PODN: variants seen among roughly 807,000 people sequenced by gnomAD.
The protein encoded by PODN is podocan, also known as podocan proteoglycan.
A neutral mutation model predicts 52.7 loss-of-function variants in PODN; 40 were observed. That is an observed-to-expected ratio of 0.76 (90% CI 0.59 to 0.99). PODN has a LOEUF of 0.99. PODN is among the 50% of genes least tolerant of loss of function. PODN has a pLI of 0.00. For synonymous variants in PODN, 396 were observed against 377.9 expected (o/e 1.05, Z -0.56); for missense variants, 720 against 815.1 (o/e 0.88, Z 1.42).
Position 53,076,879 on chromosome 1 carries a change from C to G in PODN, c.582-311C>G, listed in dbSNP as rs369457062. On this transcript the variant is annotated intron_variant, in intron 5 of 10. Transcript: ENST00000312553. ...AGGCAGGGATGAAGGGGCCGCGAGT[C>G]AGGCAAGGACTCCAGGGCTGAAAGG... Among the ~76,000 whole-genome samples, 72 of 152,202 alleles carry G rather than the reference C, an allele frequency of 4.7e-4. No homozygotes were observed. The East Asian group carries it at 0.013, about 27-fold the overall frequency.
In PODN at chr1:53,075,970, A is replaced by G; in HGVS notation, c.580A>G (p.Arg194Gly). 13 of 1,577,842 alleles carry G rather than the reference A, an allele frequency of 8.2e-6. No homozygotes were observed. The highest frequency in any genetic ancestry group is 1.1e-5 in the Non-Finnish European group (13 of 1,159,104). ...GLTFGQKPNL[R>G]SVYLHNNKLA... ...CACCTTTGGCCAGAAGCCAAACTTG[A>G]GGTCAGAGGTCGGGGGTGGTCAGGG... Residue 194 changes from arginine to glycine, a missense_variant and splice_region_variant, in exon 5 of 11, where the codon AGG (arginine) becomes GGG (glycine). By Grantham distance (125) the Arg-to-Gly change is moderately radical. Transcript: ENST00000312553.
intron 5 of PODN, among the ~76,000 whole-genome samples, chr1:53,076,580 T>C (rs1021970139): frequency 6.6e-6 from 1 of 152,184 alleles, no homozygotes; most frequent in Non-Finnish European, 1.5e-5. Flanking sequence ...GCAGGGTCTG[T>C]CTCATTGGTC....
Position 53,078,943 on chromosome 1 carries a change from G to C in PODN, c.1433G>C (p.Arg478Pro). 1 of 1,586,208 alleles carries C rather than the reference G, an allele frequency of 6.3e-7. No individual in the cohort carries two copies. The highest frequency in any genetic ancestry group is 2.3e-5 in the East Asian group (1 of 43,094). Reference protein sequence around the residue: ...RGALVGMAQLRELYLTSNRLR... With the variant: ...RGALVGMAQLPELYLTSNRLR... ...GCGCTGGTGGGCATGGCTCAGCTGC[G>C]TGAGCTGTACCTCACCAGCAACCGA... The change falls in exon 8 of 11, where the codon CGT (arginine) becomes CCT (proline). Residue 478 changes from arginine to proline, a missense_variant. Transcript: ENST00000312553.
Position 53,077,739 on chromosome 1 carries a change from C to T in PODN, c.793C>T (p.Arg265Cys), listed in dbSNP as rs758164517. Residue 265 changes from arginine (R) to cysteine (C), a missense_variant, in exon 7 of 11, where the codon CGC becomes TGC. Coordinates refer to ENST00000312553, the MANE Select transcript of PODN (RefSeq NM_153703.5). ...PGAFSELSSLRELYLQNNYLT... is the reference protein window; with the variant it reads ...PGAFSELSSLCELYLQNNYLT... ...GGCCTTCAGCGAGCTGAGCAGCCTG[C>T]GCGAGCTATACCTGCAGAACAACTA... is the stretch of plus-strand genomic sequence containing the variant. 4.4e-5 allele frequency: 71 copies of T among 1,613,596 alleles called. No individual in the cohort carries two copies. Among genetic ancestry groups the T allele is most frequent in the East Asian group, 2.2e-5 (1 of 44,894 alleles).
chr1:53,082,449 G>C (rs1168772762), intron 10 of PODN, among the ~76,000 whole-genome samples: 1 of 152,190 alleles, frequency 6.6e-6, no homozygotes, highest in Non-Finnish European at 1.5e-5. Context: ...TGGACATGTG[G>C]GTCGGGGCTC....
chr1:53,071,500 T>C, intron 2 of PODN, 35 bp from the exon 3 acceptor site: 1 of 1,560,486 alleles, frequency 6.4e-7, no homozygotes, highest in East Asian at 2.3e-5. Context: ...CCCACTAGGC[T>C]GATGCTGCTT....
At chr1:53,076,628 G>A (rs968090052) in intron 5 of PODN, among the ~76,000 whole-genome samples, 1 of 151,850 alleles carries the variant, frequency 6.6e-6, no homozygotes, top group Non-Finnish European at 1.5e-5. Context: ...AACAGCTCTG[G>A]CATCTCATAT....
chr1:53,070,015 C>A lies in PODN; in HGVS notation c.160C>A (p.Leu54Met), dbSNP rs77859237. The A allele has an allele frequency of 7.3e-4, 1,176 of 1,612,858 alleles. 14 individuals are homozygous for A. In the African/African-American group the frequency reaches 0.014, roughly 19 times the overall value. Residue 54 changes from leucine (L) to methionine (M), a missense_variant, in exon 2 of 11, where the codon CTG (leucine) becomes ATG (methionine). Transcript: ENST00000312553. ...EFAEEEPVLV[L>M]SPEEPGPGPA... ...TGCGGAGGAGGAGCCGGTGCTGGTA[C>A]TGAGCCCTGAGGAGCCCGGGCCTGG...
In PODN at chr1:53,077,669, C is replaced by T. The variant is rs949093079; in HGVS notation, c.739-16C>T. Reference sequence around the variant, plus strand: ...GCCCTCCCTCACAATCTCCTCCCTTCCCTTCCATCCCCCAGAACAACAAGC... The same window carrying T: ...GCCCTCCCTCACAATCTCCTCCCTTTCCTTCCATCCCCCAGAACAACAAGC... On this transcript the variant is annotated splice_polypyrimidine_tract_variant and intron_variant, in intron 6 of 10. Coordinates refer to ENST00000312553, the MANE Select transcript of PODN (RefSeq NM_153703.5). The T allele has an allele frequency of 2.4e-5, 39 of 1,605,762 alleles. No individual in the cohort carries two copies. The highest frequency in any genetic ancestry group is 3.1e-5 in the Non-Finnish European group (36 of 1,174,874).
rs777992973 is a variant in PODN at position 53,069,888 on chromosome 1, G to A, written c.33G>A (p.Leu11=). 5 of 1,566,878 alleles carry A rather than the reference G, an allele frequency of 3.2e-6. No homozygotes were observed. In the South Asian group the frequency reaches 4.7e-5, roughly 15 times the overall value. The change falls in exon 2 of 11, where the codon CTG becomes CTA. Residue 11 remains leucine (L), a synonymous_variant. Transcript: ENST00000312553. MAQSRVLLLL[L]LLPPQLHLGP... is the part of the protein sequence containing the mutation. ...AGAGCCGGGTGCTGCTGCTCCTGCT[G>A]CTGCTGCCGCCACAGCTGCACCTGG...
At position 53,077,052 on chromosome 1, in the gene PODN, C is replaced by T. The variant is rs550121814; in HGVS notation, c.582-138C>T. On this transcript the variant is annotated intron_variant, in intron 5 of 10. Transcript: ENST00000312553. ...GTTCTGTCAGCTGTGTAGGCAACATCTGAGGTGCTTCTAACTCTGTACCCT... is the reference window on the plus strand; with the variant it reads ...GTTCTGTCAGCTGTGTAGGCAACATTTGAGGTGCTTCTAACTCTGTACCCT... 5.6e-6 allele frequency: 6 copies of T among 1,077,606 alleles called. No homozygotes were observed. In the South Asian group the frequency reaches 7.8e-5, roughly 14 times the overall value. The allele number at this position is 1,077,606 out of a possible 1,614,324, so 66.8% of individuals were successfully genotyped here. A position where few individuals can be genotyped will look rare whatever the true frequency, so the allele number is the denominator to read the frequency against.
intron 1 of PODN, among the ~76,000 whole-genome samples, chr1:53,068,417 T>A (rs532586908): frequency 6.6e-6 from 1 of 152,232 alleles, no homozygotes; most frequent in South Asian, 2.1e-4. Context: ...GGAGTGAATG[T>A]CCCCCGTGCT....
rs1210525593 is a variant in PODN at position 53,082,179 on chromosome 1, T to G, written c.*18T>G. The G allele has an allele frequency of 6.3e-7, 1 of 1,580,370 alleles. No individual in the cohort carries two copies. The highest frequency in any genetic ancestry group is 1.3e-5 in the African/African-American group (1 of 74,360). ...CAAGATAGTGACAAGGTGATGCAGA[T>G]GTGACCTAGGTATGTGGCCTGTATG... On this transcript the variant is annotated 3_prime_UTR_variant, in exon 10 of 11. Coordinates refer to ENST00000312553, the MANE Select transcript of PODN (RefSeq NM_153703.5).
At chr1:53,081,925 G>A in intron 9 of PODN, 56 bp from the exon 10 acceptor site, 3 of 1,538,468 alleles carry the variant, frequency 1.9e-6, no homozygotes, top group Middle Eastern at 1.8e-4. Flanking sequence ...GTCGGGGGAA[G>A]GGAGGGTTCC....
chr1:53,076,923 C>T (rs942709150), intron 5 of PODN, among the ~76,000 whole-genome samples: 6 of 152,138 alleles, frequency 3.9e-5, no homozygotes, highest in African/African-American at 1.4e-4. Flanking sequence ...TCAACTGAGA[C>T]CTTGAAAGGC....
At chr1:53,071,658 G>A in intron 3 of PODN, 30 bp downstream of exon 3, 1 of 1,591,562 alleles carries the variant, frequency 6.3e-7, no homozygotes, top group South Asian at 1.1e-5. Flanking sequence ...CCAGGGTCAG[G>A]GACACCAAGT....
chr1:53,070,757 G>A (rs1644105215), intron 2 of PODN, among the ~76,000 whole-genome samples: 1 of 152,272 alleles, frequency 6.6e-6, no homozygotes, highest in South Asian at 2.1e-4. Flanking sequence ...TGGTGCGGGA[G>A]AGTGACTTGC....
intron 2 of PODN, 127 bp downstream of exon 2, chr1:53,070,294 C>CA: frequency 7.0e-7 from 1 of 1,425,246 alleles, no homozygotes; most frequent in East Asian, 2.3e-5. Flanking sequence ...TCTCCACTCC[C>CA]AACCACAGGG....
At chr1:53,063,292 C>G in intron 1 of PODN, 1 of 929,586 alleles carries the variant, frequency 1.1e-6, no homozygotes, top group Non-Finnish European at 1.3e-6. Flanking sequence ...TGAGCTGGTC[C>G]GGGAGGCGCG....
Sources: gnomAD v4.1 joint callset for allele counts (sites outside exome capture counted in the v4.1 genomes callset) on GRCh38, gnomAD v4.1.1 for gene constraint, MANE v1.5 for transcripts, NCBI Gene and HGNC (gene_info 2026-07-23, HGNC 2026-07-21) for gene names.